MCTP1: variants seen among roughly 807,000 people sequenced by gnomAD.
The protein encoded by MCTP1 is multiple C2 and transmembrane domain-containing protein 1.
A neutral mutation model predicts 120.6 loss-of-function variants in MCTP1; 69 were observed. That is an observed-to-expected ratio of 0.57 (90% CI 0.47 to 0.70). MCTP1 has a LOEUF of 0.70. Among genes scored for constraint, MCTP1 ranks in the 30% least tolerant of loss-of-function variants. The probability of loss-of-function intolerance (pLI) is 0.00; values close to 1 mark genes in which losing one functional copy is unlikely to be tolerated. For synonymous variants in MCTP1, 529 were observed against 493.1 expected (o/e 1.07, Z -0.96); for missense variants, 1,203 against 1,248.8 (o/e 0.96, Z 0.55).
intron 2 of MCTP1, among the ~76,000 whole-genome samples, chr5:94,964,498 C>G (rs940767984): frequency 1.3e-5 from 2 of 152,122 alleles, no homozygotes; most frequent in Non-Finnish European, 2.9e-5. Flanking sequence ...CCCTTCAGAT[C>G]TATTAATATT....
chr5:94,805,082 C>T (rs921848960), intron 17 of MCTP1, among the ~76,000 whole-genome samples: 1 of 152,052 alleles, frequency 6.6e-6, no homozygotes, highest in African/African-American at 2.4e-5. Context: ...TCTTATTATG[C>T]CCCTATATAT....
chr5:95,091,113 A>G (rs910090894), intron 1 of MCTP1, among the ~76,000 whole-genome samples: 2 of 151,930 alleles, frequency 1.3e-5, no homozygotes, highest in African/African-American at 2.4e-5. Context: ...CCCAACCCCA[A>G]ACCTACTCAC....
chr5:94,708,319 C>A (rs896829547), intron 22 of MCTP1, 193 bp downstream of exon 22: 2 of 435,112 alleles, frequency 4.6e-6, no homozygotes, highest in African/African-American at 2.0e-5. Flanking sequence ...GCTCTTTCTC[C>A]CATTCTCTGT....
At chr5:94,926,814 G>A (rs1486787345) in intron 6 of MCTP1, among the ~76,000 whole-genome samples, 1 of 152,070 alleles carries the variant, frequency 6.6e-6, no homozygotes, top group Non-Finnish European at 1.5e-5. Context: ...GAAACTGGCC[G>A]ACTCACTTGA....
intron 9 of MCTP1, among the ~76,000 whole-genome samples, chr5:94,912,541 A>G (rs73776952): frequency 0.026 from 3,972 of 150,886 alleles, 171 homozygotes; most frequent in African/African-American, 0.09. Flanking sequence ...TTTAATCCAC[A>G]GAGCTATGCC....
intron 1 of MCTP1, among the ~76,000 whole-genome samples, chr5:95,133,470 A>G (rs745981466): frequency 3.9e-5 from 6 of 152,200 alleles, no homozygotes; most frequent in Non-Finnish European, 5.9e-5. Flanking sequence ...CCTGGCCAAC[A>G]TGGCAAAACC....
chr5:94,866,728 CA>C (rs1796887779), intron 17 of MCTP1, among the ~76,000 whole-genome samples: 1 of 151,100 alleles, frequency 6.6e-6, no homozygotes, highest in Admixed American at 6.6e-5. Flanking sequence ...CTAAGTTGTT[CA>C]GAATTCCAGT....
At chr5:94,708,774 T>C in intron 21 of MCTP1, 165 bp from the exon 22 acceptor site, 1 of 548,422 alleles carries the variant, frequency 1.8e-6, no homozygotes, top group South Asian at 2.3e-5. Context: ...CTCAACTGCT[T>C]TTTTTACTTG....
chr5:94,798,877 C>T (rs1042075039), intron 18 of MCTP1, 136 bp downstream of exon 18: 8 of 800,012 alleles, frequency 1.0e-5, no homozygotes, highest in Non-Finnish European at 1.3e-5. Context: ...TAGTTTTGAC[C>T]TGATAAAACT....
intron 1 of MCTP1, among the ~76,000 whole-genome samples, chr5:95,248,013 G>C (rs1183822385): frequency 6.6e-6 from 1 of 152,086 alleles, no homozygotes; most frequent in African/African-American, 2.4e-5. Flanking sequence ...GGTTTTGATG[G>C]AACATATCTC....
chr5:94,841,541 G>C (rs1791055347), intron 17 of MCTP1, among the ~76,000 whole-genome samples: 1 of 152,044 alleles, frequency 6.6e-6, no homozygotes, highest in Non-Finnish European at 1.5e-5. Flanking sequence ...GTCTCCCTGG[G>C]ATGTAGACAC....
At chr5:95,160,544 G>T (rs560215363) in intron 1 of MCTP1, among the ~76,000 whole-genome samples, 1 of 151,748 alleles carries the variant, frequency 6.6e-6, no homozygotes, top group African/African-American at 2.4e-5. Context: ...ACATTGGTCT[G>T]GGCAAATATT....
chr5:94,752,108 A>AATATATACATATATATATATATATAT (rs1768527780), intron 19 of MCTP1, among the ~76,000 whole-genome samples: 1 of 75,756 alleles, frequency 1.3e-5, no homozygotes, highest in Non-Finnish European at 3.1e-5. Context: ...TAAATAATAA[A>AATATATACATATATATATATATATAT]ATATATATAT....
intron 11 of MCTP1, among the ~76,000 whole-genome samples, chr5:94,890,403 T>C (rs2153389686): frequency 6.6e-6 from 1 of 152,312 alleles, no homozygotes; most frequent in Middle Eastern, 3.4e-3. Context: ...TTTTCTACTA[T>C]TTTCCTCTTG....
At chr5:95,273,896 A>G (rs972115758) in intron 1 of MCTP1, among the ~76,000 whole-genome samples, 69 of 152,334 alleles carry the variant, frequency 4.5e-4, no homozygotes, top group African/African-American at 1.6e-3. Context: ...CCTTCCCTGG[A>G]CATTCAGCCA....
intron 17 of MCTP1, among the ~76,000 whole-genome samples, chr5:94,857,288 G>C (rs932903131): frequency 6.6e-6 from 1 of 151,698 alleles, no homozygotes; most frequent in Non-Finnish European, 1.5e-5. Flanking sequence ...AATGCATCTT[G>C]AGCAGAACAG....
chr5:95,176,637 C>T (rs1456837486), intron 1 of MCTP1, among the ~76,000 whole-genome samples: 3 of 151,838 alleles, frequency 2.0e-5, no homozygotes, highest in Non-Finnish European at 2.9e-5. Context: ...TTTGTGAGTC[C>T]GGGAGTTTGA....
chr5:95,048,653 C>T (rs1745155834), intron 1 of MCTP1, among the ~76,000 whole-genome samples: 1 of 152,188 alleles, frequency 6.6e-6, no homozygotes, highest in Admixed American at 6.5e-5. Flanking sequence ...GGTCTGTAGA[C>T]TTGAAGCACA....
Position 95,089,500 on chromosome 5 carries a change from T to C in MCTP1, c.721-72016A>G, listed in dbSNP as rs180846882. 2.7e-3 allele frequency among the ~76,000 whole-genome samples: 411 copies of C among 152,322 alleles called. 1 individual carries two copies. Among genetic ancestry groups the C allele is most frequent in the Non-Finnish European group, 3.6e-3 (243 of 68,016 alleles). Reference sequence around the variant, plus strand: ...AATTGTCAACTTTTATTAAGAATAATACTTTGGAATTGATTGGGTAAAAAT... The same window carrying C: ...AATTGTCAACTTTTATTAAGAATAACACTTTGGAATTGATTGGGTAAAAAT... On this transcript the variant is annotated intron_variant, in intron 1 of 22. Transcript: ENST00000515393.
Sources: gnomAD v4.1 joint callset for allele counts (sites outside exome capture counted in the v4.1 genomes callset) on GRCh38, gnomAD v4.1.1 for gene constraint, MANE v1.5 for transcripts, NCBI Gene and HGNC (gene_info 2026-07-23, HGNC 2026-07-21) for gene names.